The following CCNY variants were observed in gnomAD, a reference collection of about 807,000 sequenced individuals.
CCNY encodes the protein cyclin Y, also known as cyclin-Y.
In CCNY, 19 loss-of-function variants were observed where a neutral mutation model predicts 42.8. The observed-to-expected ratio is 0.44, with a 90% CI of 0.31 to 0.65. CCNY has a LOEUF of 0.65. Among genes scored for constraint, CCNY ranks in the 30% least tolerant of loss-of-function variants. The pLI, the probability that CCNY is intolerant of heterozygous loss-of-function variation, is 0.07. For synonymous variants in CCNY, 165 were observed against 162.7 expected (o/e 1.01, Z -0.11); for missense variants, 370 against 437.3 (o/e 0.85, Z 1.37).
chr10:35,392,119 A>G (rs1003048789), intron 1 of CCNY, among the ~76,000 whole-genome samples: 6 of 152,264 alleles, frequency 3.9e-5, no homozygotes, highest in Admixed American at 2.0e-4. Context: ...TAACTACAAG[A>G]TCTTTCAAGA....
chr10:35,513,302 T>C (rs1046310460), intron 3 of CCNY, among the ~76,000 whole-genome samples: 1 of 152,216 alleles, frequency 6.6e-6, no homozygotes, highest in African/African-American at 2.4e-5. Flanking sequence ...AGGCTCCCCT[T>C]CTAAGCAGTT....
chr10:35,354,660 G>A (rs183156215), intron 1 of CCNY, among the ~76,000 whole-genome samples: 2 of 152,188 alleles, frequency 1.3e-5, no homozygotes, highest in African/African-American at 4.8e-5. Flanking sequence ...TTAAGATTCT[G>A]TTCATTGTGT....
chr10:35,297,336 G>A (rs1445125440), intron 3 of CCNY, among the ~76,000 whole-genome samples: 1 of 151,970 alleles, frequency 6.6e-6, no homozygotes, highest in Admixed American at 6.6e-5. Context: ...AATAAACAAG[G>A]CATTGAAGGA....
chr10:35,524,904 C>T (rs910141657), intron 4 of CCNY, among the ~76,000 whole-genome samples: 6 of 152,028 alleles, frequency 3.9e-5, no homozygotes, highest in African/African-American at 7.2e-5. Flanking sequence ...GTAGACTTTC[C>T]GCAAAGATGT....
At chr10:35,551,283 C>T (rs1249102460) in intron 7 of CCNY, among the ~76,000 whole-genome samples, 1 of 152,202 alleles carries the variant, frequency 6.6e-6, no homozygotes, top group East Asian at 1.9e-4. Context: ...AGTGTGAATT[C>T]TTCCTTTTCT....
chr10:35,451,668 C>T (rs1020169166), intron 1 of CCNY, among the ~76,000 whole-genome samples: 1 of 152,234 alleles, frequency 6.6e-6, no homozygotes, highest in African/African-American at 2.4e-5. Flanking sequence ...TGGACACCCA[C>T]AAGCCCAGGA....
intron 1 of CCNY, among the ~76,000 whole-genome samples, chr10:35,429,090 T>TA (rs897381809): frequency 6.6e-6 from 1 of 152,232 alleles, no homozygotes; most frequent in Non-Finnish European, 1.5e-5. Flanking sequence ...ACCAGAATCT[T>TA]ACCAGGTCCT....
intron 2 of CCNY, among the ~76,000 whole-genome samples, chr10:35,499,525 G>A (rs1431725340): frequency 6.6e-6 from 1 of 152,198 alleles, no homozygotes; most frequent in Non-Finnish European, 1.5e-5. Context: ...CAGAACTATT[G>A]AAGGTTATGC....
At chr10:35,471,927 G>T (rs1197966496) in intron 1 of CCNY, among the ~76,000 whole-genome samples, 1 of 152,188 alleles carries the variant, frequency 6.6e-6, no homozygotes, top group African/African-American at 2.4e-5. Flanking sequence ...GGAGGTAGGA[G>T]ACTCTAAGTC....
Position 35,355,912 on chromosome 10 carries a change from G to GT in CCNY, c.154+18716dup, listed in dbSNP as rs553627492. Reference sequence around the variant, plus strand: ...TCTGTCAGCTTTCCTATCTTAGATTGTTTTTTTTTTTAGCAGCTTATGTAA... The same window carrying GT: ...TCTGTCAGCTTTCCTATCTTAGATTGTTTTTTTTTTTTAGCAGCTTATGTAA... On this transcript the variant is annotated intron_variant, in intron 1 of 9. Transcript: ENST00000374704. Among the ~76,000 whole-genome samples, 1,335 of 140,984 alleles carry GT rather than the reference G, an allele frequency of 9.5e-3. 12 individuals are homozygous for GT. The highest frequency in any genetic ancestry group is 0.026 in the African/African-American group (1,011 of 38,712). The allele number at this position is 140,984 out of a possible 152,430, so 92.5% of individuals were successfully genotyped here.
At chr10:35,320,754 G>C (rs778577208) in intron 3 of CCNY, 1 of 152,100 alleles carries the variant, frequency 6.6e-6, no homozygotes, top group Non-Finnish European at 1.5e-5. Context: ...AAAATAGTAA[G>C]TGACTTTAGC....
At chr10:35,355,645 TC>T (rs1444832461) in intron 1 of CCNY, among the ~76,000 whole-genome samples, 2 of 111,884 alleles carry the variant, frequency 1.8e-5, no homozygotes, top group African/African-American at 7.0e-5. Context: ...GCCATTGCAC[TC>T]CAGCCTGGGC....
intron 1 of CCNY, among the ~76,000 whole-genome samples, chr10:35,371,349 G>A (rs952173699): frequency 6.6e-5 from 10 of 152,122 alleles, no homozygotes; most frequent in South Asian, 6.2e-4. Flanking sequence ...ACTAGTTCCT[G>A]CCTTGATTTA....
chr10:35,395,484 C>T (rs1013729006), intron 1 of CCNY, among the ~76,000 whole-genome samples: 80 of 151,910 alleles, frequency 5.3e-4, no homozygotes, highest in African/African-American at 1.7e-3. Flanking sequence ...ACTGACCCAA[C>T]GAGGATTCTT....
chr10:35,261,122 G>C (rs910641476), intron 3 of CCNY, among the ~76,000 whole-genome samples: 7 of 149,930 alleles, frequency 4.7e-5, no homozygotes, highest in Non-Finnish European at 1.0e-4. Flanking sequence ...AAAAACAAAA[G>C]AAAACAAAAC....
At chr10:35,520,807 G>A (rs910426853) in intron 4 of CCNY, among the ~76,000 whole-genome samples, 1 of 152,130 alleles carries the variant, frequency 6.6e-6, no homozygotes, top group Non-Finnish European at 1.5e-5. Flanking sequence ...CAACAGCTGT[G>A]GTATGAATTT....
At chr10:35,338,194 A>G (rs1344556532) in intron 1 of CCNY, among the ~76,000 whole-genome samples, 1 of 152,228 alleles carries the variant, frequency 6.6e-6, no homozygotes, top group Non-Finnish European at 1.5e-5. Context: ...GAATGAACAC[A>G]ACTTCATAAT....
chr10:35,347,144 A>G (rs1378305720), intron 1 of CCNY, among the ~76,000 whole-genome samples: 1 of 152,220 alleles, frequency 6.6e-6, no homozygotes, highest in Non-Finnish European at 1.5e-5. Flanking sequence ...GGGGATGTGT[A>G]GTGGGGCTTC....
intron 1 of CCNY, among the ~76,000 whole-genome samples, chr10:35,351,822 A>G (rs917828082): frequency 6.6e-6 from 1 of 152,208 alleles, no homozygotes; most frequent in Non-Finnish European, 1.5e-5. Context: ...AGTATTTATA[A>G]TAAGCCTGAA....
Sources: allele counts gnomAD v4.1 joint callset (sites outside exome capture counted in the v4.1 genomes callset), GRCh38; gene constraint gnomAD v4.1.1; transcripts MANE v1.5; gene names NCBI Gene and HGNC (gene_info 2026-07-23, HGNC 2026-07-21).